Variants in WASHC4 observed in about 807,000 individuals in gnomAD.
The protein encoded by WASHC4 is WASH complex subunit 7.
Under a neutral mutation model 166.6 loss-of-function variants are expected in WASHC4, and 86 were observed. The ratio of observed to expected loss-of-function variants is 0.52; its 90% CI spans 0.43 to 0.62. WASHC4 has a LOEUF of 0.62. Ranked by LOEUF, WASHC4 falls within the 20% of genes least tolerant of loss-of-function variation. The pLI is 0.00. For synonymous variants in WASHC4, 446 were observed against 451.6 expected (o/e 0.99, Z 0.16); for missense variants, 1,262 against 1,382.4 (o/e 0.91, Z 1.38).
intron 18 of WASHC4, 113 bp downstream of exon 18, chr12:105,141,359 C>G: frequency 1.2e-6 from 1 of 817,084 alleles, no homozygotes; most frequent in Non-Finnish European, 2.2e-6. Flanking sequence ...GCATTAGTTC[C>G]TTTCTGTAAC....
At chr12:105,133,638 CTA>C (rs1296648597) in intron 13 of WASHC4, 130 bp from the exon 14 acceptor site, 3 of 714,738 alleles carry the variant, frequency 4.2e-6, no homozygotes, top group Non-Finnish European at 2.4e-6. Context: ...TTATATATGT[CTA>C]TGTAATATTT....
intron 10 of WASHC4, among the ~76,000 whole-genome samples, chr12:105,122,681 C>T (rs576337402): frequency 3.3e-5 from 5 of 151,890 alleles, no homozygotes; most frequent in Admixed American, 6.6e-5. Flanking sequence ...GTAATTCTTG[C>T]AATATTTTAA....
Position 105,109,157 on chromosome 12 carries a change from TGGA to T in WASHC4, c.61+1298_61+1300del, listed in dbSNP as rs539277900. On this transcript the variant is annotated intron_variant, in intron 1 of 32. Coordinates refer to ENST00000332180, the MANE Select transcript of WASHC4 (RefSeq NM_015275.3). ...TCTTATGCAGCATAAAAATTAACCTTGGAGATAATGACAAAATCTTTTAATTTT... is the reference window on the plus strand; with the variant it reads ...TCTTATGCAGCATAAAAATTAACCTTGATAATGACAAAATCTTTTAATTTT... Among the ~76,000 whole-genome samples, 15 of 152,252 alleles carry T rather than the reference TGGA, an allele frequency of 9.9e-5. No homozygotes were observed. In the South Asian group the frequency reaches 2.9e-3, roughly 30 times the overall value.
At chr12:105,152,202 TA>T (rs1883823223) in intron 25 of WASHC4, 140 bp from the exon 26 acceptor site, 1 of 622,142 alleles carries the variant, frequency 1.6e-6, no homozygotes, top group Non-Finnish European at 2.9e-6. Flanking sequence ...ATTGGTAGTG[TA>T]TGAATTATTA....
intron 14 of WASHC4, among the ~76,000 whole-genome samples, chr12:105,136,173 C>T (rs1882299493): frequency 6.6e-6 from 1 of 152,112 alleles, no homozygotes; most frequent in Non-Finnish European, 1.5e-5. Flanking sequence ...GATGCCAACT[C>T]AGAACTTAGG....
In WASHC4 at chr12:105,162,735, T is replaced by C. The variant is rs200432249; in HGVS notation, c.3061-14T>C. On this transcript the variant is annotated splice_polypyrimidine_tract_variant and intron_variant, in intron 29 of 32. Transcript: ENST00000332180. ...GCAAAATTGTTTTTCTAACATGTTGTTACATCTTTTTAGACCCTCAACTTT... is the reference window on the plus strand; with the variant it reads ...GCAAAATTGTTTTTCTAACATGTTGCTACATCTTTTTAGACCCTCAACTTT... The C allele has an allele frequency of 7.2e-5, 98 of 1,370,130 alleles. No individual in the cohort carries two copies. Among genetic ancestry groups the C allele is most frequent in the Non-Finnish European group, 7.1e-5 (68 of 962,196 alleles). 84.9% of individuals were successfully genotyped at this position (1,370,130 alleles called of 1,614,324 possible).
In WASHC4 at chr12:105,144,270, A is replaced by C; in HGVS notation, c.2011-17A>C. ...TATCATTTTGAAAAATTAAAGTATC[A>C]AATCTTTTGTGAATAGCATTTGCTG... On this transcript the variant is annotated splice_polypyrimidine_tract_variant and intron_variant, in intron 20 of 32. Transcript: ENST00000332180. 6.2e-7 allele frequency: 1 copy of C among 1,604,738 alleles called. No individual in the cohort carries two copies. Among genetic ancestry groups the C allele is most frequent in the Non-Finnish European group, 8.5e-7 (1 of 1,172,654 alleles).
intron 30 of WASHC4, among the ~76,000 whole-genome samples, chr12:105,163,721 G>A (rs1346658193): frequency 6.6e-6 from 1 of 152,002 alleles, no homozygotes; most frequent in Non-Finnish European, 1.5e-5. Flanking sequence ...TGTTGCCCAG[G>A]TTGGTCTTAA....
intron 22 of WASHC4, among the ~76,000 whole-genome samples, chr12:105,145,658 A>G (rs1008598753): frequency 1.3e-5 from 2 of 152,080 alleles, no homozygotes; most frequent in Non-Finnish European, 2.9e-5. Context: ...AGCTCATGTA[A>G]TATCCTCTGG....
chr12:105,131,603 G>A (rs1006109205), intron 13 of WASHC4, among the ~76,000 whole-genome samples: 2 of 152,208 alleles, frequency 1.3e-5, no homozygotes, highest in African/African-American at 4.8e-5. Flanking sequence ...CTCTTTCTGT[G>A]GTCCTTGCTT....
intron 25 of WASHC4, among the ~76,000 whole-genome samples, chr12:105,152,118 A>G (rs933969782): frequency 6.6e-6 from 1 of 152,166 alleles, no homozygotes; most frequent in Non-Finnish European, 1.5e-5. Context: ...GTGGTAGGGA[A>G]ATTAGGTTAG....
chr12:105,119,959 G>A (rs560316351), intron 7 of WASHC4, among the ~76,000 whole-genome samples: 10 of 152,248 alleles, frequency 6.6e-5, no homozygotes, highest in Admixed American at 5.2e-4. Flanking sequence ...GGCTGGGCGC[G>A]GTGGCTCATG....
chr12:105,155,686 C>A (rs574343639), intron 26 of WASHC4, among the ~76,000 whole-genome samples: 2 of 121,944 alleles, frequency 1.6e-5, no homozygotes, highest in Non-Finnish European at 3.4e-5. Context: ...ACTAAAAATA[C>A]AAAAATTAGC....
chr12:105,139,415 A>ATGTGTGTGTGTGTGTGTG (rs144001458), intron 15 of WASHC4, among the ~76,000 whole-genome samples: 47 of 94,442 alleles, frequency 5.0e-4, no homozygotes, highest in East Asian at 2.0e-3. Flanking sequence ...GACTATATAT[A>ATGTGTGTGTGTGTGTGTG]TGTGTGTGTG....
At chr12:105,147,607 T>G (rs1236413652) in intron 24 of WASHC4, 1 of 1,006,188 alleles carries the variant, frequency 9.9e-7, no homozygotes, top group Non-Finnish European at 1.2e-6. Context: ...TGAATCTTCT[T>G]AGAAATGGGC....
intron 6 of WASHC4, among the ~76,000 whole-genome samples, chr12:105,116,786 G>A (rs751722013): frequency 5.3e-5 from 8 of 152,174 alleles, no homozygotes; most frequent in Non-Finnish European, 1.2e-4. Flanking sequence ...TGGTTACCCA[G>A]GAGTTGGAGG....
chr12:105,154,318 T>G (rs1480127731), intron 26 of WASHC4, among the ~76,000 whole-genome samples: 4 of 152,166 alleles, frequency 2.6e-5, no homozygotes, highest in African/African-American at 9.6e-5. Context: ...CGTGAGCCAC[T>G]GCGCCCGGCC....
chr12:105,113,812 T>G (rs1337724781), intron 2 of WASHC4, among the ~76,000 whole-genome samples: 1 of 152,076 alleles, frequency 6.6e-6, no homozygotes, highest in African/African-American at 2.4e-5. Context: ...CTGTCTTGTT[T>G]CATTCTTAAT....
chr12:105,143,304 AAAAT>A, intron 20 of WASHC4, 61 bp downstream of exon 20: 1 of 981,074 alleles, frequency 1.0e-6, no homozygotes, highest in South Asian at 1.3e-5. Context: ...GTTTGGAAAA[AAAAT>A]GTTCGATTGA....
Sources: gnomAD v4.1 joint callset for allele counts (sites outside exome capture counted in the v4.1 genomes callset) on GRCh38, gnomAD v4.1.1 for gene constraint, MANE v1.5 for transcripts, NCBI Gene and HGNC (gene_info 2026-07-23, HGNC 2026-07-21) for gene names.